The following COL28A1 variants were observed in gnomAD, a reference collection of about 807,000 sequenced individuals.
The protein encoded by COL28A1 is collagen type XXVIII alpha 1 chain, also known as collagen alpha-1(XXVIII) chain.
COL28A1 carries 161 observed loss-of-function variants against 150.2 expected under a neutral mutation model. The observed-to-expected ratio is 1.07, with a 90% CI of 0.94 to 1.22. The LOEUF (loss-of-function observed/expected upper bound fraction) is 1.22, where lower values mean the gene tolerates loss of function less well. Among genes scored for constraint, COL28A1 ranks in the 50% most tolerant of loss-of-function variants. The probability of loss-of-function intolerance (pLI) is 0.00; values close to 1 mark genes in which losing one functional copy is unlikely to be tolerated. For synonymous variants in COL28A1, 552 were observed against 469.7 expected, an observed-to-expected ratio of 1.18 and a Z score of -2.26; for missense variants, 1,617 against 1,388.3, an observed-to-expected ratio of 1.16 and a Z score of -2.62.
chr7:7,413,214 A>G (rs1783884339), intron 27 of COL28A1, among the ~76,000 whole-genome samples: 2 of 152,056 alleles, frequency 1.3e-5, no homozygotes, highest in African/African-American at 4.8e-5. Flanking sequence ...CTGATAACAA[A>G]CTTGTTAGGC....
chr7:7,450,735 C>T (rs2128328329), intron 18 of COL28A1, among the ~76,000 whole-genome samples: 1 of 152,224 alleles, frequency 6.6e-6, no homozygotes, highest in Non-Finnish European at 1.5e-5. Flanking sequence ...ATGTTTGTGG[C>T]AGCATTGTTG....
intron 25 of COL28A1, among the ~76,000 whole-genome samples, chr7:7,422,530 G>T (rs1230017122): frequency 6.6e-6 from 1 of 152,106 alleles, no homozygotes; most frequent in Admixed American, 6.6e-5. Flanking sequence ...TGGGGAGGCT[G>T]AGGCGGGAGA....
chr7:7,491,543 G>C (rs1003637447), intron 11 of COL28A1, among the ~76,000 whole-genome samples: 4 of 152,226 alleles, frequency 2.6e-5, no homozygotes, highest in African/African-American at 9.6e-5. Flanking sequence ...TATTATTCAA[G>C]ATTTCTGTTA....
chr7:7,400,480 C>T (rs538583725), intron 27 of COL28A1, among the ~76,000 whole-genome samples: 15 of 152,296 alleles, frequency 9.8e-5, no homozygotes, highest in African/African-American at 3.6e-4. Context: ...GAAATGTATT[C>T]TCCCCTAGCA....
intron 33 of COL28A1, among the ~76,000 whole-genome samples, chr7:7,363,034 T>A (rs1418318324): frequency 6.6e-6 from 1 of 152,154 alleles, no homozygotes; most frequent in Non-Finnish European, 1.5e-5. Flanking sequence ...CAAAAGTTAT[T>A]GGTAAGCTAG....
intron 13 of COL28A1, among the ~76,000 whole-genome samples, chr7:7,480,460 AAAATTATTAATAGATTGCAAACTCAACC>A (rs1288883926): frequency 6.6e-6 from 1 of 152,218 alleles, no homozygotes; most frequent in Non-Finnish European, 1.5e-5. Context: ...TAGGAGCATG[AAAATTATTAATAGATTGCAAACTCAACC>A]AAATTATTAA....
At chr7:7,434,425 C>T (rs766542489) in intron 23 of COL28A1, among the ~76,000 whole-genome samples, 13 of 152,154 alleles carry the variant, frequency 8.5e-5, no homozygotes, top group Non-Finnish European at 1.6e-4. Context: ...AAGTTTTCCA[C>T]TTATCTCCAT....
chr7:7,409,381 C>T (rs761450230), intron 27 of COL28A1, among the ~76,000 whole-genome samples: 1 of 151,600 alleles, frequency 6.6e-6, no homozygotes, highest in Non-Finnish European at 1.5e-5. Context: ...ATGATGTCTA[C>T]ATCTTTATAT....
chr7:7,347,740 C>G, the COL28A1 span, among the ~76,000 whole-genome samples: 14 of 152,162 alleles, frequency 9.2e-5, no homozygotes, highest in South Asian at 2.5e-3. Flanking sequence ...GAGGAAACAG[C>G]AGGTACAAAG....
At chr7:7,510,523 G>C (rs1038161411) in intron 9 of COL28A1, among the ~76,000 whole-genome samples, 1 of 152,214 alleles carries the variant, frequency 6.6e-6, no homozygotes, top group African/African-American at 2.4e-5. Context: ...GACCTCAGGT[G>C]ATCCACCCAC....
downstream of COL28A1, among the ~76,000 whole-genome samples, chr7:7,353,905 C>G (rs982501438): frequency 1.2e-4 from 19 of 152,028 alleles, no homozygotes; most frequent in African/African-American, 3.9e-4. Flanking sequence ...CTGTGGGCAT[C>G]CAGGAAATGA....
At chr7:7,537,489 G>A (rs1265451691), upstream of COL28A1, among the ~76,000 whole-genome samples, 1 of 152,160 alleles carries the variant, frequency 6.6e-6, no homozygotes, top group Non-Finnish European at 1.5e-5. Context: ...AGTAGATGTT[G>A]TAAGAATTCG....
intron 27 of COL28A1, among the ~76,000 whole-genome samples, chr7:7,405,449 C>G (rs1783441394): frequency 6.6e-6 from 1 of 152,096 alleles, no homozygotes; most frequent in Admixed American, 6.5e-5. Flanking sequence ...TTTTCAAAAC[C>G]AACAGAAGCC....
chr7:7,453,568 A>C, intron 16 of COL28A1, 60 bp from the exon 17 acceptor site: 1 of 822,424 alleles, frequency 1.2e-6, no homozygotes, highest in South Asian at 1.4e-5. Context: ...AAATCCTCTA[A>C]AGTGAAACTT....
intron 15 of COL28A1, among the ~76,000 whole-genome samples, chr7:7,458,455 AC>A (rs769400030): frequency 2.4e-4 from 36 of 152,034 alleles, no homozygotes; most frequent in Non-Finnish European, 4.6e-4. Flanking sequence ...AACAAAAAAA[AC>A]AAACAAAAAG....
chr7:7,501,133 TAGG>T (rs1780499795), intron 11 of COL28A1, among the ~76,000 whole-genome samples: 1 of 152,134 alleles, frequency 6.6e-6, no homozygotes, highest in Non-Finnish European at 1.5e-5. Flanking sequence ...CCAAGTCTCA[TAGG>T]TAAAAGAATG....
downstream of COL28A1, among the ~76,000 whole-genome samples, chr7:7,352,995 G>C (rs139688207): frequency 6.6e-6 from 1 of 152,272 alleles, no homozygotes; most frequent in Admixed American, 6.5e-5. Flanking sequence ...GAAGCCTGGG[G>C]CTGAGTCACT....
chr7:7,347,157 C>A, the COL28A1 span, among the ~76,000 whole-genome samples: 1 of 152,014 alleles, frequency 6.6e-6, no homozygotes, highest in East Asian at 1.9e-4. Context: ...TATGAGCTTT[C>A]AATTAGTATT....
intron 27 of COL28A1, among the ~76,000 whole-genome samples, chr7:7,403,386 G>C (rs6946659): frequency 0.4 from 61,042 of 152,000 alleles, 13,722 homozygotes; most frequent in African/African-American, 0.62. Flanking sequence ...ACTTAAAGAG[G>C]CTTCTCAACG....
Sources: gnomAD v4.1 joint callset for allele counts (sites outside exome capture counted in the v4.1 genomes callset) on GRCh38, gnomAD v4.1.1 for gene constraint, MANE v1.5 for transcripts, NCBI Gene and HGNC (gene_info 2026-07-23, HGNC 2026-07-21) for gene names.